TMEM65: variants seen among roughly 807,000 people sequenced by gnomAD.
TMEM65 encodes the protein transmembrane protein 65.
A neutral mutation model predicts 25.4 loss-of-function variants in TMEM65; 22 were observed. The observed-to-expected ratio is 0.86, with a 90% CI of 0.62 to 1.23. The LOEUF is 1.23. Ranked by LOEUF, TMEM65 falls within the 50% of genes most tolerant of loss-of-function variation. The pLI, the probability that TMEM65 is intolerant of heterozygous loss-of-function variation, is 0.00. For synonymous variants in TMEM65, 132 were observed against 126.2 expected (o/e 1.05, Z -0.31); for missense variants, 262 against 308.2 (o/e 0.85, Z 1.12).
At chr8:124,323,802 G>C (rs1035351159) in intron 3 of TMEM65, among the ~76,000 whole-genome samples, 1 of 151,970 alleles carries the variant, frequency 6.6e-6, no homozygotes, top group Non-Finnish European at 1.5e-5. Context: ...CCAGTTTCTA[G>C]GGAAATTGGG....
intron 1 of TMEM65, among the ~76,000 whole-genome samples, chr8:124,366,606 A>G (rs1228968975): frequency 6.6e-6 from 1 of 152,108 alleles, no homozygotes; most frequent in Non-Finnish European, 1.5e-5. Flanking sequence ...CCACAAAATC[A>G]TGAGCTATGA....
rs1203704954 is a variant in TMEM65, at chr8:124,353,317, AT to A, written c.304+18536del. Among the ~76,000 whole-genome samples the A allele has an allele frequency of 1.8e-4, 27 of 152,094 alleles. 1 individual carries two copies. Among genetic ancestry groups the A allele is most frequent in the Non-Finnish European group, 4.4e-5 (3 of 68,028 alleles). ...TGAAAAATAAATAAATATATTAAAA[AT>A]AATAGGAGCTAGGAATTTCTCCATC... On this transcript the variant is annotated intron_variant, in intron 1 of 6. Transcript: ENST00000297632.
intron 1 of TMEM65, among the ~76,000 whole-genome samples, chr8:124,335,772 T>C (rs1273767259): frequency 6.6e-6 from 1 of 151,790 alleles, no homozygotes; most frequent in Non-Finnish European, 1.5e-5. Flanking sequence ...TGAAGGAGAA[T>C]CTGAAGGAAT....
intron 6 of TMEM65, among the ~76,000 whole-genome samples, chr8:124,314,500 T>A (rs1386805665): frequency 6.6e-6 from 1 of 152,254 alleles, no homozygotes; most frequent in Non-Finnish European, 1.5e-5. Context: ...TATTTGTGCA[T>A]CTTCATGAAG....
chr8:124,335,051 G>A (rs1174755934), intron 1 of TMEM65, among the ~76,000 whole-genome samples: 1 of 152,088 alleles, frequency 6.6e-6, no homozygotes, highest in Admixed American at 6.6e-5. Context: ...ATAAATAATG[G>A]CTACAAATTT....
chr8:124,367,084 A>G (rs1814948347), intron 1 of TMEM65, among the ~76,000 whole-genome samples: 1 of 152,220 alleles, frequency 6.6e-6, no homozygotes, highest in South Asian at 2.1e-4. Context: ...TTATTCACGT[A>G]TCTTTATTTG....
rs895301700 is a variant in TMEM65, at chr8:124,306,717, G to A, written c.*7243C>T. The A allele has an allele frequency of 1.3e-5, 2 of 152,242 alleles. No homozygotes were observed. Among genetic ancestry groups the A allele is most frequent in the African/African-American group, 2.4e-5 (1 of 41,454 alleles). The allele number at this position is 152,242 out of a possible 1,614,324, so 9.4% of individuals were successfully genotyped here. ...TAATCCCAACACTTCAGGAGGCCGA[G>A]GCAGGCGGATCACCTGAGGTCAGGA... On this transcript the variant is annotated 3_prime_UTR_variant, in exon 7 of 7. Coordinates refer to ENST00000297632, the MANE Select transcript of TMEM65 (RefSeq NM_194291.3).
chr8:124,351,027 CTG>C, intron 1 of TMEM65: 2 of 985,180 alleles, frequency 2.0e-6, no homozygotes, highest in Non-Finnish European at 2.4e-6. Flanking sequence ...CACTGTAAGA[CTG>C]TACTATACCA....
At position 124,308,504 on chromosome 8, in the gene TMEM65, C is replaced by T. The variant is rs1252224428; in HGVS notation, c.*5456G>A. The T allele has an allele frequency of 1.3e-5, 2 of 152,176 alleles. No homozygotes were observed. The highest frequency in any genetic ancestry group is 2.9e-5 in the Non-Finnish European group (2 of 68,046). 9.4% of individuals were successfully genotyped at this position (152,176 alleles called of 1,614,324 possible). ...ATAAATTCCTGCTGAGGAAAACAACCAGATGTTGTGTGTGACTTCGCAGAA... is the reference window on the plus strand; with the variant it reads ...ATAAATTCCTGCTGAGGAAAACAACTAGATGTTGTGTGTGACTTCGCAGAA... On this transcript the variant is annotated 3_prime_UTR_variant, in exon 7 of 7. Transcript: ENST00000297632.
chr8:124,342,122 T>C (rs1814589781), intron 1 of TMEM65, among the ~76,000 whole-genome samples: 1 of 152,106 alleles, frequency 6.6e-6, no homozygotes, highest in Admixed American at 6.5e-5. Context: ...GCAACAGAAA[T>C]AATCAAATTT....
chr8:124,323,280 A>T (rs928396678), intron 4 of TMEM65, 41 bp downstream of exon 4: 1 of 1,113,834 alleles, frequency 9.0e-7, no homozygotes, highest in Non-Finnish European at 1.3e-6. Flanking sequence ...AATGTTTTAT[A>T]AGTGTACAAT....
At chr8:124,325,252 T>C (rs1427340862) in intron 3 of TMEM65, among the ~76,000 whole-genome samples, 1 of 152,018 alleles carries the variant, frequency 6.6e-6, no homozygotes, top group Non-Finnish European at 1.5e-5. Context: ...AAAACAGTCA[T>C]AGCTGTCCCA....
At chr8:124,341,165 C>G (rs1316428818) in intron 1 of TMEM65, among the ~76,000 whole-genome samples, 1 of 151,758 alleles carries the variant, frequency 6.6e-6, no homozygotes, top group Non-Finnish European at 1.5e-5. Flanking sequence ...TTTTGGTAAG[C>G]AAAAGCTATA....
chr8:124,313,921 T>A lies in TMEM65; in HGVS notation c.*39A>T. The A allele has an allele frequency of 3.7e-6, 5 of 1,337,946 alleles. No individual in the cohort carries two copies. Among genetic ancestry groups the A allele is most frequent in the Non-Finnish European group, 4.3e-6 (4 of 936,970 alleles). 82.9% of individuals were successfully genotyped at this position (1,337,946 alleles called of 1,614,324 possible). A position where few individuals can be genotyped will look rare whatever the true frequency, so the allele number is the denominator to read the frequency against. On this transcript the variant is annotated 3_prime_UTR_variant, in exon 7 of 7. Coordinates refer to ENST00000297632, the MANE Select transcript of TMEM65 (RefSeq NM_194291.3). ...GTGACAGCATATTTAATTACTGAGG[T>A]ACATTAGTTTACATCTTTTTATAGG...
chr8:124,335,443 T>C (rs898393299), intron 1 of TMEM65, among the ~76,000 whole-genome samples: 2 of 152,094 alleles, frequency 1.3e-5, no homozygotes, highest in African/African-American at 2.4e-5. Context: ...AATGTCTGGG[T>C]AAATATAAAA....
At chr8:124,359,578 C>T (rs1236923077) in intron 1 of TMEM65, among the ~76,000 whole-genome samples, 1 of 152,016 alleles carries the variant, frequency 6.6e-6, no homozygotes, top group African/African-American at 2.4e-5. Flanking sequence ...CTCATCTATA[C>T]TAAAAATATA....
chr8:124,368,767 C>A (rs1814973813), intron 1 of TMEM65, among the ~76,000 whole-genome samples: 1 of 152,190 alleles, frequency 6.6e-6, no homozygotes, highest in Non-Finnish European at 1.5e-5. Flanking sequence ...GCCACCCCAG[C>A]TGAGAGCTTG....
chr8:124,328,274 C>T (rs193219105), intron 2 of TMEM65, among the ~76,000 whole-genome samples: 72 of 151,848 alleles, frequency 4.7e-4, no homozygotes, highest in African/African-American at 1.6e-3. Context: ...TGTGGTGGTG[C>T]GTGCCTGTAG....
Position 124,310,321 on chromosome 8 carries a change from G to T in TMEM65, c.*3639C>A, listed in dbSNP as rs1814140691. The T allele has an allele frequency of 1.3e-5, 2 of 152,120 alleles. No individual in the cohort carries two copies. Among genetic ancestry groups the T allele is most frequent in the South Asian group, 4.1e-4 (2 of 4,822 alleles). 9.4% of individuals were successfully genotyped at this position (152,120 alleles called of 1,614,324 possible). On this transcript the variant is annotated 3_prime_UTR_variant, in exon 7 of 7. Transcript: ENST00000297632. ...CACAAGATTTCTTAAATGAATCTTG[G>T]ATTGTAAGCACAATATTCTTAAATT... is the stretch of plus-strand genomic sequence containing the variant.
Sources: allele counts gnomAD v4.1 joint callset (sites outside exome capture counted in the v4.1 genomes callset), GRCh38; gene constraint gnomAD v4.1.1; transcripts MANE v1.5; gene names NCBI Gene and HGNC (gene_info 2026-07-23, HGNC 2026-07-21).